ATF1: variants seen among roughly 807,000 people sequenced by gnomAD.
ATF1 encodes cyclic AMP-dependent transcription factor ATF-1.
In ATF1, 16 loss-of-function variants were observed where a neutral mutation model predicts 34.7. The ratio of observed to expected loss-of-function variants is 0.46; its 90% CI spans 0.31 to 0.70. ATF1 has a LOEUF of 0.70. Ranked by LOEUF, ATF1 falls within the 30% of genes least tolerant of loss-of-function variation. The pLI, the probability that ATF1 is intolerant of heterozygous loss-of-function variation, is 0.05. For synonymous variants in ATF1, 105 were observed against 113.1 expected, an observed-to-expected ratio of 0.93 and a Z score of 0.46; for missense variants, 255 against 321.6, an observed-to-expected ratio of 0.79 and a Z score of 1.58.
Position 50,809,485 on chromosome 12 carries a change from A to T in ATF1, c.224A>T (p.Asp75Val). The change falls in exon 4 of 7, where the codon GAT (aspartate) becomes GTT (valine). Residue 75 changes from aspartate to valine, a missense_variant. By Grantham distance (152) the Asp-to-Val change is radical. Coordinates refer to ENST00000262053, the MANE Select transcript of ATF1 (RefSeq NM_005171.5). ...ATTTTGAAAGACTTATCTTCTGAAGATACACGGGGCAGAAAAGGAGACGGA... is the reference window on the plus strand; with the variant it reads ...ATTTTGAAAGACTTATCTTCTGAAGTTACACGGGGCAGAAAAGGAGACGGA... Reference protein sequence around the residue: ...RKILKDLSSEDTRGRKGDGEN... With the variant: ...RKILKDLSSEVTRGRKGDGEN... 1 of 1,612,940 alleles carries T rather than the reference A, an allele frequency of 6.2e-7. No homozygotes were observed. The highest frequency in any genetic ancestry group is 8.5e-7 in the Non-Finnish European group (1 of 1,179,418).
chr12:50,814,211 T>C lies in ATF1; in HGVS notation c.511+19T>C. 1.2e-6 allele frequency: 2 copies of C among 1,613,172 alleles called. No individual in the cohort carries two copies. Among genetic ancestry groups the C allele is most frequent in the Non-Finnish European group, 1.7e-6 (2 of 1,179,282 alleles). On this transcript the variant is annotated intron_variant, in intron 5 of 6. Coordinates refer to ENST00000262053, the MANE Select transcript of ATF1 (RefSeq NM_005171.5). ...GTACAAAGTAAGTATGCTTTCTGTCTACAGAAAGTCTCCTAACACTGTCAG... is the reference window on the plus strand; with the variant it reads ...GTACAAAGTAAGTATGCTTTCTGTCCACAGAAAGTCTCCTAACACTGTCAG...
At chr12:50,780,662 AAAAAAC>A (rs1457848536) in intron 2 of ATF1, among the ~76,000 whole-genome samples, 5 of 151,684 alleles carry the variant, frequency 3.3e-5, no homozygotes, top group Admixed American at 6.6e-5. Flanking sequence ...TAAAAAAAAA[AAAAAAC>A]AAAACAAGCA....
At position 50,795,987 on chromosome 12, in the gene ATF1, C is replaced by T. The variant is rs1941400975; in HGVS notation, c.172C>T (p.Leu58=). Residue 58 remains leucine (L), a synonymous_variant, in exon 3 of 7, where the codon CTA becomes TTA. Transcript: ENST00000262053. ...CTCCTCACAGAAAGCCCACGGGATCCTAGCACGGCGCCCATCTTACAGGTG... is the reference window on the plus strand; with the variant it reads ...CTCCTCACAGAAAGCCCACGGGATCTTAGCACGGCGCCCATCTTACAGGTG... ...IGSSQKAHGI[L]ARRPSYRKIL... is the part of the protein sequence containing the mutation. 1.9e-6 allele frequency: 3 copies of T among 1,612,380 alleles called. No homozygotes were observed. The East Asian group carries it at 6.7e-5, about 36-fold the overall frequency.
intron 3 of ATF1, among the ~76,000 whole-genome samples, chr12:50,798,473 T>C (rs1941453438): frequency 6.6e-6 from 1 of 151,980 alleles, no homozygotes; most frequent in Non-Finnish European, 1.5e-5. Flanking sequence ...CACACCTGGC[T>C]AATTTTTTGT....
chr12:50,809,348 T>C, intron 3 of ATF1, 108 bp from the exon 4 acceptor site: 2 of 999,176 alleles, frequency 2.0e-6, no homozygotes, highest in Non-Finnish European at 2.8e-6. Context: ...TACTCCAGCC[T>C]GGGTGACAAA....
chr12:50,781,939 G>A (rs912817343), intron 2 of ATF1, among the ~76,000 whole-genome samples: 11 of 148,402 alleles, frequency 7.4e-5, no homozygotes, highest in Non-Finnish European at 1.6e-4. Context: ...AAAAAATCAT[G>A]CATGAGTGTA....
intron 1 of ATF1, among the ~76,000 whole-genome samples, chr12:50,773,144 A>C (rs560443648): frequency 6.6e-6 from 1 of 152,196 alleles, no homozygotes; most frequent in South Asian, 2.1e-4. Flanking sequence ...ATATATGTAC[A>C]TGTTCTTTAT....
intron 1 of ATF1, among the ~76,000 whole-genome samples, chr12:50,772,100 G>A (rs1255577934): frequency 1.3e-5 from 2 of 152,062 alleles, no homozygotes; most frequent in Non-Finnish European, 2.9e-5. Context: ...TATTTCTTGT[G>A]CGAGATCCAA....
chr12:50,792,064 A>G (rs988339308), intron 2 of ATF1, among the ~76,000 whole-genome samples: 8 of 152,152 alleles, frequency 5.3e-5, no homozygotes, highest in African/African-American at 1.9e-4. Flanking sequence ...TCCTCTGCCT[A>G]AAATACCTTC....
chr12:50,763,955 C>T (rs975640834), upstream of ATF1: 3 of 152,336 alleles, frequency 2.0e-5, no homozygotes, highest in African/African-American at 7.2e-5. Context: ...GGCGGCGCGT[C>T]ACGTGGGCAG....
chr12:50,821,112 A>G lies in ATF1; in HGVS notation c.*1333A>G. On this transcript the variant is annotated 3_prime_UTR_variant, in exon 7 of 7. Coordinates refer to ENST00000262053, the MANE Select transcript of ATF1 (RefSeq NM_005171.5). Reference sequence around the variant, plus strand: ...ATTGTTGTCTGTGAAATTAAAGGACATTTGATAGTCTACTGAATGTAAAAT... The same window carrying G: ...ATTGTTGTCTGTGAAATTAAAGGACGTTTGATAGTCTACTGAATGTAAAAT... The G allele has an allele frequency of 5.6e-6, 1 of 177,616 alleles. No homozygotes were observed. Among genetic ancestry groups the G allele is most frequent in the Non-Finnish European group, 1.2e-5 (1 of 82,510 alleles). The allele number at this position is 177,616 out of a possible 1,614,324, so 11.0% of individuals were successfully genotyped here.
upstream of ATF1, chr12:50,764,067 C>T (rs1483094628): frequency 6.6e-6 from 1 of 151,114 alleles, no homozygotes; most frequent in Non-Finnish European, 1.5e-5. Context: ...CCCGCCCCCG[C>T]CCCCGCCCCC....
At chr12:50,774,972 C>A (rs777440385) in intron 1 of ATF1, among the ~76,000 whole-genome samples, 26 of 151,632 alleles carry the variant, frequency 1.7e-4, no homozygotes, top group Admixed American at 2.6e-4. Context: ...TGTCGATCTC[C>A]TGACCTTGTG....
intron 4 of ATF1, among the ~76,000 whole-genome samples, chr12:50,812,624 G>A (rs2139693655): frequency 6.6e-6 from 1 of 152,256 alleles, no homozygotes; most frequent in South Asian, 2.1e-4. Flanking sequence ...TTGATTTCAA[G>A]ACCAGACTGG....
At chr12:50,791,275 G>C (rs1941295103) in intron 2 of ATF1, among the ~76,000 whole-genome samples, 1 of 152,218 alleles carries the variant, frequency 6.6e-6, no homozygotes, top group Non-Finnish European at 1.5e-5. Context: ...GAACAGGAAG[G>C]CTGGGTGCGG....
In ATF1 at chr12:50,820,828, T is replaced by C. The variant is rs575996276; in HGVS notation, c.*1049T>C. The C allele has an allele frequency of 2.2e-5, 4 of 179,444 alleles. No homozygotes were observed. Among genetic ancestry groups the C allele is most frequent in the Non-Finnish European group, 4.8e-5 (4 of 83,508 alleles). 11.1% of individuals were successfully genotyped at this position (179,444 alleles called of 1,614,324 possible). A position where few individuals can be genotyped will look rare whatever the true frequency, so the allele number is the denominator to read the frequency against. On this transcript the variant is annotated 3_prime_UTR_variant, in exon 7 of 7. Coordinates refer to ENST00000262053, the MANE Select transcript of ATF1 (RefSeq NM_005171.5). ...CCAATATATTTTTATAGCTGATCTT[T>C]ATAAATTCTAATGTTGAGTTTTTAA...
intron 1 of ATF1, among the ~76,000 whole-genome samples, chr12:50,772,262 G>A (rs1360301400): frequency 6.6e-6 from 1 of 151,460 alleles, no homozygotes; most frequent in Non-Finnish European, 1.5e-5. Flanking sequence ...ACAGGAATGA[G>A]CCATCGCACT....
chr12:50,782,047 A>G (rs1363937716), intron 2 of ATF1, among the ~76,000 whole-genome samples: 8 of 152,122 alleles, frequency 5.3e-5, no homozygotes, highest in Admixed American at 5.2e-4. Flanking sequence ...AGAAACTATA[A>G]CTTGCTGAGT....
At chr12:50,787,715 C>G (rs1172124888) in intron 2 of ATF1, among the ~76,000 whole-genome samples, 7 of 151,908 alleles carry the variant, frequency 4.6e-5, no homozygotes. Flanking sequence ...GCACTCCAGC[C>G]TAGGTGTCAG....
Sources: gnomAD v4.1 joint callset for allele counts (sites outside exome capture counted in the v4.1 genomes callset) on GRCh38, gnomAD v4.1.1 for gene constraint, MANE v1.5 for transcripts, NCBI Gene and HGNC (gene_info 2026-07-23, HGNC 2026-07-21) for gene names.